Variants in DOCK5 observed in about 807,000 individuals in gnomAD.
The protein encoded by DOCK5 is dedicator of cytokinesis 5.
A neutral mutation model predicts 251.8 loss-of-function variants in DOCK5; 142 were observed. That is an observed-to-expected ratio of 0.56 (90% confidence interval 0.49 to 0.65). DOCK5 has a LOEUF of 0.65. Among genes scored for constraint, DOCK5 ranks in the 30% least tolerant of loss-of-function variants. The probability of loss-of-function intolerance (pLI) is 0.00; values close to 1 mark genes in which losing one functional copy is unlikely to be tolerated. For missense variants in DOCK5, 2,111 were observed against 2,312.3 expected (o/e 0.91, Z 1.79); for synonymous variants, 842 against 835.5 (o/e 1.01, Z -0.13).
chr8:25,373,768 C>G, intron 36 of DOCK5, 110 bp downstream of exon 36: 9 of 1,012,196 alleles, frequency 8.9e-6, no homozygotes, highest in Non-Finnish European at 1.3e-5. Flanking sequence ...TTGAGAGACC[C>G]CTAAAAGTAC....
chr8:25,299,289 G>T (rs1804697590), intron 8 of DOCK5, 188 bp downstream of exon 8: 2 of 587,714 alleles, frequency 3.4e-6, no homozygotes, highest in East Asian at 6.3e-5. Context: ...GAACAATGAG[G>T]CCAGTTTGTA....
chr8:25,324,499 A>T (rs1007246343), intron 17 of DOCK5, among the ~76,000 whole-genome samples: 1 of 152,228 alleles, frequency 6.6e-6, no homozygotes, highest in Non-Finnish European at 1.5e-5. Flanking sequence ...TTTAGCCAAC[A>T]ATATCTGGGG....
At chr8:25,269,491 T>C (rs887205241) in intron 3 of DOCK5, among the ~76,000 whole-genome samples, 2 of 152,250 alleles carry the variant, frequency 1.3e-5, no homozygotes, top group African/African-American at 4.8e-5. Context: ...GTTTTTATTA[T>C]ATTTTATGTA....
chr8:25,185,547 C>T (rs1345648778), intron 1 of DOCK5, among the ~76,000 whole-genome samples: 2 of 152,096 alleles, frequency 1.3e-5, no homozygotes, highest in African/African-American at 4.8e-5. Context: ...GAAGTTGTGG[C>T]ACGGGAAGGG....
intron 1 of DOCK5, among the ~76,000 whole-genome samples, chr8:25,189,623 A>G (rs1801525183): frequency 6.6e-6 from 1 of 151,970 alleles, no homozygotes; most frequent in Non-Finnish European, 1.5e-5. Flanking sequence ...AGCCTCCCAA[A>G]GTGCTGGGAT....
At chr8:25,194,872 A>G (rs1801680650) in intron 1 of DOCK5, among the ~76,000 whole-genome samples, 1 of 151,922 alleles carries the variant, frequency 6.6e-6, no homozygotes, top group Admixed American at 6.6e-5. Flanking sequence ...TGATGTTTCC[A>G]TTTCAATGCA....
intron 26 of DOCK5, chr8:25,351,406 G>A (rs758081409): frequency 7.2e-5 from 21 of 290,846 alleles, no homozygotes; most frequent in Non-Finnish European, 1.3e-4. Context: ...AATACGTCAT[G>A]CTAATGGGGG....
chr8:25,291,286 G>T (rs774104528), intron 5 of DOCK5, among the ~76,000 whole-genome samples: 5 of 151,972 alleles, frequency 3.3e-5, no homozygotes, highest in Non-Finnish European at 7.4e-5. Flanking sequence ...AGAGGGGAGG[G>T]TGTAGAAATG....
At chr8:25,349,813 A>T (rs374475892) in intron 26 of DOCK5, among the ~76,000 whole-genome samples, 1 of 152,168 alleles carries the variant, frequency 6.6e-6, no homozygotes, top group East Asian at 1.9e-4. Flanking sequence ...CATTGGGTAC[A>T]GTGTACACTG....
chr8:25,268,925 T>C (rs749377441), intron 3 of DOCK5, 40 bp downstream of exon 3: 37 of 1,498,492 alleles, frequency 2.5e-5, no homozygotes, highest in Non-Finnish European at 3.3e-5. Context: ...ATTTGAAATC[T>C]GTCTGCTAGT....
chr8:25,391,455 G>T (rs368024145), intron 42 of DOCK5, among the ~76,000 whole-genome samples: 92 of 152,068 alleles, frequency 6.0e-4, no homozygotes, highest in African/African-American at 2.2e-3. Context: ...GGCCAACATG[G>T]TGAAACCCCA....
At chr8:25,282,965 T>G (rs1187329525) in intron 5 of DOCK5, among the ~76,000 whole-genome samples, 1 of 150,802 alleles carries the variant, frequency 6.6e-6, no homozygotes, top group East Asian at 2.0e-4. Flanking sequence ...ACCAGAAATG[T>G]ACGTTGTGGA....
Position 25,226,590 on chromosome 8 carries a change from GTTT to G in DOCK5, c.44-17074_44-17072del, listed in dbSNP as rs574512849. Among the ~76,000 whole-genome samples the G allele has an allele frequency of 4.1e-4, 58 of 142,698 alleles. 1 individual carries two copies. Among genetic ancestry groups the G allele is most frequent in the African/African-American group, 1.4e-3 (53 of 37,876 alleles). The allele number at this position is 142,698 out of a possible 152,430, so 93.6% of individuals were successfully genotyped here. On this transcript the variant is annotated intron_variant, in intron 1 of 51. Coordinates refer to ENST00000276440, the MANE Select transcript of DOCK5 (RefSeq NM_024940.8). ...TATTTTTTTATTTTTTTAATTTTAA[GTTT>G]TTTTTTTTTCGAGAGAGAGTCTCGC...
chr8:25,205,669 G>T (rs1801984307), intron 1 of DOCK5, among the ~76,000 whole-genome samples: 2 of 152,124 alleles, frequency 1.3e-5, no homozygotes, highest in African/African-American at 4.8e-5. Flanking sequence ...TCCTGCTGTT[G>T]CTGATTCAGT....
intron 2 of DOCK5, among the ~76,000 whole-genome samples, chr8:25,250,308 C>T (rs1803232447): frequency 6.6e-6 from 1 of 152,220 alleles, no homozygotes; most frequent in South Asian, 2.1e-4. Context: ...ATCTACTGCT[C>T]ATCCGTTACA....
Position 25,319,658 on chromosome 8 carries a change from T to C in DOCK5, c.1524T>C (p.Cys508=). ...TCTATTACCAAGTCAAGCAGCCCTGTTGGTATGAGACTGTCAAGGTGAGAA... is the reference window on the plus strand; with the variant it reads ...TCTATTACCAAGTCAAGCAGCCCTGCTGGTATGAGACTGTCAAGGTGAGAA... The part of the protein sequence containing the change: ...SVVYYQVKQP[C]WYETVKVSIA... The change falls in exon 15 of 52, where the codon TGT becomes TGC. Residue 508 remains cysteine (C), a synonymous_variant. Transcript: ENST00000276440. 6.3e-7 allele frequency: 1 copy of C among 1,585,762 alleles called. No individual in the cohort carries two copies. Among genetic ancestry groups the C allele is most frequent in the Non-Finnish European group, 8.6e-7 (1 of 1,165,852 alleles).
chr8:25,279,652 C>G (rs187801280), intron 5 of DOCK5, among the ~76,000 whole-genome samples: 37 of 152,184 alleles, frequency 2.4e-4, no homozygotes, highest in Non-Finnish European at 5.1e-4. Context: ...GAGTCTCGCT[C>G]TGTCACTCAG....
At position 25,400,433 on chromosome 8, in the gene DOCK5, G is replaced by A. The variant is rs925168390; in HGVS notation, c.4788+439G>A. Among the ~76,000 whole-genome samples, 30 of 147,922 alleles carry A rather than the reference G, an allele frequency of 2.0e-4. No individual in the cohort carries two copies. The Admixed American group carries it at 2.1e-3, about 10-fold the overall frequency. Reference sequence around the variant, plus strand: ...GAATCATTTGAACTCAGGAGGCAGAGGTTGCAGTGAGCCGAGATCACGCCA... The same window carrying A: ...GAATCATTTGAACTCAGGAGGCAGAAGTTGCAGTGAGCCGAGATCACGCCA... On this transcript the variant is annotated intron_variant, in intron 46 of 51. Transcript: ENST00000276440.
chr8:25,304,340 G>T lies in DOCK5; in HGVS notation c.1049+13G>T, dbSNP rs1368971416. 5.0e-6 allele frequency: 8 copies of T among 1,600,096 alleles called. No homozygotes were observed. The Admixed American group carries it at 8.7e-5, about 17-fold the overall frequency. On this transcript the variant is annotated intron_variant, in intron 11 of 51. Coordinates refer to ENST00000276440, the MANE Select transcript of DOCK5 (RefSeq NM_024940.8). ...TTCCCTTTCAGCAGTAAGTACTTTGGCATGTGTCCCAGGTGACTTGAGACC... is the reference window on the plus strand; with the variant it reads ...TTCCCTTTCAGCAGTAAGTACTTTGTCATGTGTCCCAGGTGACTTGAGACC...
Sources: gnomAD v4.1 joint callset for allele counts (sites outside exome capture counted in the v4.1 genomes callset) on GRCh38, gnomAD v4.1.1 for gene constraint, MANE v1.5 for transcripts, NCBI Gene and HGNC (gene_info 2026-07-23, HGNC 2026-07-21) for gene names.